GPHN: variants seen among roughly 807,000 people sequenced by gnomAD.
GPHN encodes gephyrin.
In GPHN, 17 loss-of-function variants were observed where a neutral mutation model predicts 95.5. The observed-to-expected ratio is 0.18, with a 90% CI of 0.12 to 0.27. The LOEUF (loss-of-function observed/expected upper bound fraction) is 0.27. Among genes scored for constraint, GPHN ranks in the 10% least tolerant of loss-of-function variants. GPHN has a pLI of 1.00. For missense variants in GPHN, 660 were observed against 978.1 expected, an observed-to-expected ratio of 0.67 and a Z score of 4.34; for synonymous variants, 320 against 322.5, an observed-to-expected ratio of 0.99 and a Z score of 0.08.
chr14:67,397,748 C>T, the GPHN span: 1 of 1,613,290 alleles, frequency 6.2e-7, no homozygotes, highest in South Asian at 1.1e-5. Flanking sequence ...ACTCTCCGAC[C>T]CCCCTCAAGC....
chr14:67,532,167 C>T, the GPHN span, among the ~76,000 whole-genome samples: 1 of 152,186 alleles, frequency 6.6e-6, no homozygotes, highest in African/African-American at 2.4e-5. Flanking sequence ...TCCTTAGTGT[C>T]TGGGCTCTCA....
At chr14:66,545,714 G>A in intron 1 of GPHN, among the ~76,000 whole-genome samples, 1 of 140,556 alleles carries the variant, frequency 7.1e-6, no homozygotes, top group Non-Finnish European at 1.5e-5. Context: ...CTCCCGGACG[G>A]GGTGGCTGGC....
At chr14:67,469,110 T>A in the GPHN span, among the ~76,000 whole-genome samples, 79 of 152,184 alleles carry the variant, frequency 5.2e-4, no homozygotes, top group Non-Finnish European at 9.4e-4. Context: ...ATTTATGCTA[T>A]CTCATTTTCA....
At chr14:67,364,700 G>GA in the GPHN span, 1 of 1,454,648 alleles carries the variant, frequency 6.9e-7, no homozygotes, top group Non-Finnish European at 9.2e-7. Flanking sequence ...GCAGGATGTG[G>GA]AAATTGATTT....
chr14:67,222,930 A>G, the GPHN span, among the ~76,000 whole-genome samples: 7 of 152,080 alleles, frequency 4.6e-5, no homozygotes, highest in African/African-American at 1.7e-4. Flanking sequence ...CAGTCCCACA[A>G]AAAACAGCAA....
At chr14:67,575,596 C>T in the GPHN span, 1 of 763,830 alleles carries the variant, frequency 1.3e-6, no homozygotes, top group Non-Finnish European at 2.3e-6. Flanking sequence ...AATCAGTTGG[C>T]TGGATCCCTC....
chr14:67,043,556 G>A (rs2074831563), intron 10 of GPHN, among the ~76,000 whole-genome samples: 1 of 152,162 alleles, frequency 6.6e-6, no homozygotes, highest in South Asian at 2.1e-4. Context: ...TGTTGAACCA[G>A]CCTTGCATCC....
chr14:67,135,373 A>G (rs2080012187), intron 17 of GPHN, among the ~76,000 whole-genome samples: 1 of 152,118 alleles, frequency 6.6e-6, no homozygotes, highest in African/African-American at 2.4e-5. Flanking sequence ...TTTCATTTAC[A>G]GTCATTTTTC....
chr14:67,287,021 C>A, the GPHN span, among the ~76,000 whole-genome samples: 1 of 151,956 alleles, frequency 6.6e-6, no homozygotes, highest in East Asian at 1.9e-4. Context: ...AGTTCAAGAC[C>A]AGCTTGGGTG....
chr14:67,101,863 T>C (rs2077716265), intron 13 of GPHN, among the ~76,000 whole-genome samples: 2 of 150,734 alleles, frequency 1.3e-5, no homozygotes, highest in Middle Eastern at 3.4e-3. Context: ...TTTATTTATT[T>C]ATTTATTTAT....
Position 66,583,325 on chromosome 14 carries a change from A to T in GPHN, c.64+74734A>T, listed in dbSNP as rs558531901. On this transcript the variant is annotated intron_variant, in intron 1 of 22. Transcript: ENST00000478722. ...AGCAGGTTGCAAAAATTTTCTCCCA[A>T]TCTGTAGGTTGCCTGTTCACTCTGA... Among the ~76,000 whole-genome samples, 552 of 151,882 alleles carry T rather than the reference A, an allele frequency of 3.6e-3. 12 individuals carry two copies. The highest frequency in any genetic ancestry group is 0.013 in the African/African-American group (523 of 41,464).
At chr14:67,473,637 C>A in the GPHN span, 3 of 1,583,748 alleles carry the variant, frequency 1.9e-6, no homozygotes, top group African/African-American at 4.0e-5. The surrounding 1 kb of genome is among the most constrained non-coding windows in gnomAD (Gnocchi z 6.5). Flanking sequence ...GTTGAACTGG[C>A]GCAGGATGAA....
At chr14:66,620,523 C>A (rs986766919) in intron 1 of GPHN, among the ~76,000 whole-genome samples, 1 of 152,090 alleles carries the variant, frequency 6.6e-6, no homozygotes, top group Non-Finnish European at 1.5e-5. Flanking sequence ...CATTCATTAT[C>A]ATGAGAACAG....
intron 1 of GPHN, among the ~76,000 whole-genome samples, chr14:66,534,811 AT>A (rs1354935908): frequency 6.6e-6 from 1 of 152,050 alleles, no homozygotes; most frequent in Admixed American, 6.5e-5. Flanking sequence ...TTTAATATTA[AT>A]TTTTGACATA....
chr14:67,444,368 A>C, the GPHN span, among the ~76,000 whole-genome samples: 1 of 152,206 alleles, frequency 6.6e-6, no homozygotes, highest in African/African-American at 2.4e-5. Context: ...TCAGTGGAGG[A>C]GAGTGGCCCC....
At chr14:66,972,230 T>C (rs2069842837) in intron 9 of GPHN, among the ~76,000 whole-genome samples, 2 of 137,642 alleles carry the variant, frequency 1.5e-5, no homozygotes, top group South Asian at 2.2e-4. Flanking sequence ...ATTGCACCAT[T>C]GCACTCCAGC....
the GPHN span, among the ~76,000 whole-genome samples, chr14:67,427,608 T>C: frequency 1.3e-5 from 2 of 152,162 alleles, no homozygotes; most frequent in African/African-American, 4.8e-5. Flanking sequence ...ACCGTCGCCA[T>C]TCATTTTCAG....
the GPHN span, among the ~76,000 whole-genome samples, chr14:67,551,926 G>A: frequency 2.0e-4 from 30 of 152,212 alleles, no homozygotes; most frequent in East Asian, 3.9e-4. Flanking sequence ...ATTGAGACCC[G>A]GGATGGTGTG....
At chr14:66,666,418 A>G (rs977901794) in intron 1 of GPHN, among the ~76,000 whole-genome samples, 4 of 152,074 alleles carry the variant, frequency 2.6e-5, no homozygotes, top group African/African-American at 9.6e-5. Flanking sequence ...TTAATAAAAA[A>G]AAAAGCTTGT....
Sources: allele counts gnomAD v4.1 joint callset (sites outside exome capture counted in the v4.1 genomes callset), GRCh38; gene constraint gnomAD v4.1.1; non-coding constraint Gnocchi (gnomAD v3.1); transcripts MANE v1.5; gene names NCBI Gene and HGNC (gene_info 2026-07-23, HGNC 2026-07-21).